WWOX: variants seen among roughly 807,000 people sequenced by gnomAD.
WWOX encodes the protein WW domain containing oxidoreductase.
A neutral mutation model predicts 46.2 loss-of-function variants in WWOX; 69 were observed. The observed-to-expected ratio is 1.49, with a 90% CI of 1.23 to 1.82. The LOEUF is 1.82. Among genes scored for constraint, WWOX ranks in the 40% most tolerant of loss-of-function variants. The pLI, the probability that WWOX is intolerant of heterozygous loss-of-function variation, is 0.00. For missense variants in WWOX, 919 were observed against 542.6 expected (o/e 1.69, Z -6.89); for synonymous variants, 359 against 202.6 (o/e 1.77, Z -6.56).
chr16:78,869,712 C>T (rs940135116), intron 8 of WWOX, among the ~76,000 whole-genome samples: 1 of 152,170 alleles, frequency 6.6e-6, no homozygotes, highest in Non-Finnish European at 1.5e-5. Context: ...TTTAGATGAG[C>T]AAGAGCTGCT....
chr16:78,668,782 G>A (rs1414662854), intron 8 of WWOX, among the ~76,000 whole-genome samples: 1 of 152,148 alleles, frequency 6.6e-6, no homozygotes, highest in Non-Finnish European at 1.5e-5. Flanking sequence ...ATTCTGAACA[G>A]AGGGAATAGC....
Position 78,210,286 on chromosome 16 carries a change from C to T in WWOX, c.516+45997C>T, listed in dbSNP as rs774348630. On this transcript the variant is annotated intron_variant, in intron 5 of 8. Transcript: ENST00000566780. ...TTGAAGAGCTCTTAATTGAGCCATG[C>T]TGTATTTAACAGGGAAGCATCGGCT... is the stretch of plus-strand genomic sequence containing the variant. 2.6e-5 allele frequency among the ~76,000 whole-genome samples: 4 copies of T among 152,264 alleles called. No individual in the cohort carries two copies. In the South Asian group the frequency reaches 8.3e-4, roughly 32 times the overall value.
intron 5 of WWOX, chr16:78,355,384 C>G (rs529242035): frequency 1.7e-5 from 4 of 234,806 alleles, no homozygotes; most frequent in East Asian, 2.4e-4. Flanking sequence ...GGGCGAATCA[C>G]GAGGTCAGGA....
chr16:78,303,686 A>G (rs1426294621), intron 5 of WWOX, among the ~76,000 whole-genome samples: 1 of 152,168 alleles, frequency 6.6e-6, no homozygotes, highest in Non-Finnish European at 1.5e-5. Flanking sequence ...CTGGGATTAC[A>G]GGCATGCGCC....
intron 8 of WWOX, among the ~76,000 whole-genome samples, chr16:78,480,690 G>C (rs1368494279): frequency 6.6e-6 from 1 of 152,206 alleles, no homozygotes; most frequent in African/African-American, 2.4e-5. Flanking sequence ...CCAGTCCTCT[G>C]ATGGTCAGGA....
intron 8 of WWOX, among the ~76,000 whole-genome samples, chr16:79,005,287 AC>A (rs1222859931): frequency 6.6e-6 from 1 of 152,036 alleles, no homozygotes; most frequent in East Asian, 1.9e-4. Flanking sequence ...TTCCTTGATG[AC>A]CCCTGGGAGG....
intron 8 of WWOX, among the ~76,000 whole-genome samples, chr16:78,682,734 A>C (rs931053924): frequency 2.6e-5 from 4 of 152,162 alleles, no homozygotes; most frequent in Admixed American, 6.5e-5. Flanking sequence ...ATGAAAATAA[A>C]ATTTTAAAGA....
chr16:79,034,798 T>A (rs1040624189), intron 8 of WWOX, among the ~76,000 whole-genome samples: 7 of 152,232 alleles, frequency 4.6e-5, no homozygotes, highest in African/African-American at 1.7e-4. Context: ...GAAGGAATTA[T>A]TCATTGTATC....
chr16:78,664,208 C>T (rs2047279409), intron 8 of WWOX, among the ~76,000 whole-genome samples: 1 of 152,174 alleles, frequency 6.6e-6, no homozygotes, highest in Admixed American at 6.5e-5. Flanking sequence ...ATTCAGGAAA[C>T]ATGACCACAC....
At chr16:78,204,802 C>T (rs1392377010) in intron 5 of WWOX, among the ~76,000 whole-genome samples, 1 of 152,150 alleles carries the variant, frequency 6.6e-6, no homozygotes. Flanking sequence ...CCTCATATTG[C>T]ATAGCAAGTC....
chr16:78,265,610 G>A (rs1330935721), intron 5 of WWOX, among the ~76,000 whole-genome samples: 7 of 151,802 alleles, frequency 4.6e-5, no homozygotes, highest in East Asian at 1.9e-4. Context: ...TCTGGGAGGC[G>A]GAGGTTGCAG....
chr16:79,177,333 C>G (rs1444592038), intron 8 of WWOX, among the ~76,000 whole-genome samples: 2 of 151,980 alleles, frequency 1.3e-5, no homozygotes, highest in African/African-American at 4.8e-5. Flanking sequence ...GAAATTTTCC[C>G]TGTTAAAGTA....
intron 3 of WWOX, among the ~76,000 whole-genome samples, chr16:78,111,286 A>C (rs1346438578): frequency 6.6e-6 from 1 of 152,252 alleles, no homozygotes; most frequent in Non-Finnish European, 1.5e-5. Context: ...GAATAGTCAT[A>C]ATACAGGTTA....
intron 6 of WWOX, among the ~76,000 whole-genome samples, chr16:78,399,195 G>A (rs1317106289): frequency 6.6e-6 from 1 of 152,206 alleles, no homozygotes; most frequent in Admixed American, 6.5e-5. Context: ...AACGGAAGAA[G>A]AGGGAAGAAC....
At chr16:78,309,479 C>T (rs773373343) in intron 5 of WWOX, among the ~76,000 whole-genome samples, 3 of 152,108 alleles carry the variant, frequency 2.0e-5, no homozygotes, top group African/African-American at 7.2e-5. Flanking sequence ...AGCCCTCATC[C>T]CCATCACTTT....
chr16:78,843,937 G>A lies in WWOX; in HGVS notation c.1057-367671G>A, dbSNP rs144218857. Among the ~76,000 whole-genome samples the A allele has an allele frequency of 7.2e-4, 110 of 152,204 alleles. 2 individuals are homozygous for A. Among genetic ancestry groups the A allele is most frequent in the African/African-American group, 2.5e-3 (104 of 41,526 alleles). ...CGGTTCCTAATGGCAGAGCAACACC[G>A]AAAAGCGTAATTACATTTCCTAATT... On this transcript the variant is annotated intron_variant, in intron 8 of 8. Transcript: ENST00000566780.
intron 8 of WWOX, among the ~76,000 whole-genome samples, chr16:78,767,305 T>G (rs1216735458): frequency 1.3e-5 from 2 of 151,954 alleles, no homozygotes; most frequent in African/African-American, 4.8e-5. Flanking sequence ...TATTATTATT[T>G]TTTTATTTTT....
At chr16:78,334,905 A>G (rs2080849879) in intron 5 of WWOX, among the ~76,000 whole-genome samples, 1 of 146,806 alleles carries the variant, frequency 6.8e-6, no homozygotes, top group Non-Finnish European at 1.5e-5. Flanking sequence ...AAACTCATTG[A>G]GGAGATACCA....
chr16:79,212,310 C>A lies in WWOX; in HGVS notation c.*514C>A. 1.1e-6 allele frequency: 1 copy of A among 879,116 alleles called. No individual in the cohort carries two copies. Among genetic ancestry groups the A allele is most frequent in the Non-Finnish European group, 1.7e-6 (1 of 599,294 alleles). 54.5% of individuals were successfully genotyped at this position (879,116 alleles called of 1,614,324 possible). On this transcript the variant is annotated 3_prime_UTR_variant, in exon 9 of 9. Coordinates refer to ENST00000566780, the MANE Select transcript of WWOX (RefSeq NM_016373.4). ...GCCAGCTTAGCAACTGCTGGGGAGA[C>A]AAATCTCAGAACCTTGTCCCAGCCA...
Sources: allele counts gnomAD v4.1 joint callset (sites outside exome capture counted in the v4.1 genomes callset), GRCh38; gene constraint gnomAD v4.1.1; transcripts MANE v1.5; gene names NCBI Gene and HGNC (gene_info 2026-07-23, HGNC 2026-07-21).